Variants in DRC7 observed in about 807,000 individuals in gnomAD.
DRC7 encodes coiled-coil domain containing 135.
A neutral mutation model predicts 104.4 loss-of-function variants in DRC7; 80 were observed. The ratio of observed to expected loss-of-function variants is 0.77; its 90% CI spans 0.64 to 0.92. The LOEUF (loss-of-function observed/expected upper bound fraction) is 0.92, where lower values mean the gene tolerates loss of function less well. DRC7 is among the 40% of genes least tolerant of loss of function. The pLI is 0.00. For missense variants in DRC7, 1,034 were observed against 1,141.1 expected, an observed-to-expected ratio of 0.91 and a Z score of 1.35; for synonymous variants, 405 against 447.3, an observed-to-expected ratio of 0.91 and a Z score of 1.19.
chr16:57,714,798 G>A (rs543196159), intron 8 of DRC7: 7 of 334,090 alleles, frequency 2.1e-5, no homozygotes, highest in Middle Eastern at 8.4e-4. Context: ...ACAGCCATGG[G>A]CTTGCTGGTG....
At chr16:57,700,110 C>T in intron 4 of DRC7, 35 bp from the exon 5 acceptor site, 1 of 1,606,390 alleles carries the variant, frequency 6.2e-7, no homozygotes. Flanking sequence ...GTTCTTATTG[C>T]CTTGACCCCA....
At position 57,731,442 on chromosome 16, in the gene DRC7, C is replaced by G; in HGVS notation, c.*184C>G. On this transcript the variant is annotated 3_prime_UTR_variant, in exon 19 of 19. Transcript: ENST00000360716. ...CATGATTTTCCTGTAAATAAACACA[C>G]TCTTAATTTGCCATTTGTGCCTTGC... The G allele has an allele frequency of 1.7e-6, 1 of 596,944 alleles. No individual in the cohort carries two copies. The highest frequency in any genetic ancestry group is 3.0e-6 in the Non-Finnish European group (1 of 336,538). 37.0% of individuals were successfully genotyped at this position (596,944 alleles called of 1,614,324 possible). A position where few individuals can be genotyped will look rare whatever the true frequency, so the allele number is the denominator to read the frequency against.
intron 8 of DRC7, among the ~76,000 whole-genome samples, chr16:57,709,541 C>T (rs957247311): frequency 1.3e-5 from 2 of 151,778 alleles, no homozygotes; most frequent in Non-Finnish European, 2.9e-5. Flanking sequence ...TTTTTTTAAT[C>T]AAACAAAATT....
chr16:57,705,246 G>C (rs1357181890), intron 7 of DRC7, among the ~76,000 whole-genome samples: 1 of 152,022 alleles, frequency 6.6e-6, no homozygotes, highest in East Asian at 1.9e-4. Context: ...TCAGGGCACT[G>C]TACTGCCTGG....
At chr16:57,725,552 C>A (rs76028155) in intron 13 of DRC7, 4,284 of 156,528 alleles carry the variant, frequency 0.027, 182 homozygotes, top group African/African-American at 0.088. Flanking sequence ...GAAAAGTAAA[C>A]ATATCTCAGA....
At chr16:57,717,401 T>TAAAA (rs56358409) in intron 8 of DRC7, among the ~76,000 whole-genome samples, 2 of 132,830 alleles carry the variant, frequency 1.5e-5, no homozygotes, top group African/African-American at 5.5e-5. Flanking sequence ...TGCACTGGCT[T>TAAAA]AAAAAAAAAA....
intron 2 of DRC7, among the ~76,000 whole-genome samples, chr16:57,697,060 G>A (rs2048600345): frequency 6.6e-6 from 1 of 152,022 alleles, no homozygotes; most frequent in South Asian, 2.1e-4. Context: ...TTACAGGCGT[G>A]TGCCACCACG....
In DRC7 at chr16:57,698,977, G is replaced by A. The variant is rs546062093; in HGVS notation, c.331G>A (p.Asp111Asn). 6.2e-7 allele frequency: 1 copy of A among 1,614,218 alleles called. No individual in the cohort carries two copies. Among genetic ancestry groups the A allele is most frequent in the Non-Finnish European group, 8.5e-7 (1 of 1,180,028 alleles). The change falls in exon 4 of 19, where the codon GAC (aspartate) becomes AAC (asparagine). Residue 111 changes from aspartate to asparagine, a missense_variant. By Grantham distance (23) the Asp-to-Asn change is conservative. Transcript: ENST00000360716. Reference protein sequence around the residue: ...FSRQYSHLCPDRVPLFLHPLN... With the variant: ...FSRQYSHLCPNRVPLFLHPLN... The stretch of plus-strand genomic sequence containing the variant: ...CCGCCAGTACAGCCATCTGTGCCCG[G>A]ACCGCGTGCCCCTCTTCCTGCACCC...
rs757529089 is a variant in DRC7, at chr16:57,728,454, T to G, written c.2261T>G (p.Phe754Cys). 6.2e-7 allele frequency: 1 copy of G among 1,612,188 alleles called. No individual in the cohort carries two copies. Among genetic ancestry groups the G allele is most frequent in the Admixed American group, 1.7e-5 (1 of 59,954 alleles). ...VETQLDYLAP[F>C]LAQLPPGEKL... is the part of the protein sequence containing the mutation. ...ACCCAGCTGGACTACCTGGCCCCAT[T>G]CCTGGCCCAGCTCCCGCCAGGAGAG... Residue 754 changes from phenylalanine to cysteine, a missense_variant, in exon 17 of 19, where the codon TTC (phenylalanine) becomes TGC (cysteine). Coordinates refer to ENST00000360716, the MANE Select transcript of DRC7 (RefSeq NM_001289162.2).
In DRC7 at chr16:57,731,335, T is replaced by G; in HGVS notation, c.*77T>G. ...CGCAGCCTGGCTCCTGTGTTCCCTC[T>G]ATCCAGCCAATGCCTGTTTACACAG... On this transcript the variant is annotated 3_prime_UTR_variant, in exon 19 of 19. Coordinates refer to ENST00000360716, the MANE Select transcript of DRC7 (RefSeq NM_001289162.2). The G allele has an allele frequency of 8.5e-7, 1 of 1,179,266 alleles. No homozygotes were observed. Among genetic ancestry groups the G allele is most frequent in the Non-Finnish European group, 1.2e-6 (1 of 804,472 alleles). The allele number at this position is 1,179,266 out of a possible 1,614,324, so 73.1% of individuals were successfully genotyped here.
chr16:57,711,531 C>T (rs189112177), intron 8 of DRC7, among the ~76,000 whole-genome samples: 103 of 152,358 alleles, frequency 6.8e-4, no homozygotes, highest in African/African-American at 2.4e-3. Flanking sequence ...ATGGACTGCT[C>T]CTTGTGGAGC....
At position 57,726,109 on chromosome 16, in the gene DRC7, G is replaced by A. The variant is rs1469146186; in HGVS notation, c.1800G>A (p.Ala600=). 5.0e-6 allele frequency: 8 copies of A among 1,613,230 alleles called. No homozygotes were observed. The highest frequency in any genetic ancestry group is 2.7e-5 in the African/African-American group (2 of 74,950). The change falls in exon 14 of 19, where the codon GCG becomes GCA. Residue 600 remains alanine, a synonymous_variant. Coordinates refer to ENST00000360716, the MANE Select transcript of DRC7 (RefSeq NM_001289162.2). ...ERFFRNPAKP[A]EEDVAERVFL... ...TCTTCCGCAACCCAGCGAAGCCCGC[G>A]GAGGAGGACGTGGCAGAGCGCGTGT... is the stretch of plus-strand genomic sequence containing the variant.
intron 7 of DRC7, among the ~76,000 whole-genome samples, chr16:57,707,174 C>G (rs1436061752): frequency 5.3e-5 from 8 of 152,136 alleles, no homozygotes; most frequent in Admixed American, 5.2e-4. Context: ...GAAACCTCAC[C>G]CAAAGTCATA....
chr16:57,701,182 T>C (rs987557103), intron 5 of DRC7, among the ~76,000 whole-genome samples: 1 of 152,186 alleles, frequency 6.6e-6, no homozygotes, highest in African/African-American at 2.4e-5. Context: ...GGGGTTTTTG[T>C]AGTTTGCTGA....
In DRC7 at chr16:57,724,712, C is replaced by T; in HGVS notation, c.1635C>T (p.Pro545=). 6.2e-7 allele frequency: 1 copy of T among 1,613,920 alleles called. No homozygotes were observed. Among genetic ancestry groups the T allele is most frequent in the Non-Finnish European group, 8.5e-7 (1 of 1,180,008 alleles). The change falls in exon 13 of 19, where the codon CCC becomes CCT. Residue 545 remains proline, a synonymous_variant. Transcript: ENST00000360716. Reference sequence around the variant, plus strand: ...GCCTGATGAAGCGGGAGGAGACACCCAGGACAATGACAGAGTACTATCAAG... The same window carrying T: ...GCCTGATGAAGCGGGAGGAGACACCTAGGACAATGACAGAGTACTATCAAG... ...VDGLMKREET[P]RTMTEYYQGR...
rs1367765252 is a variant in DRC7, at chr16:57,722,742, A to C, written c.1309A>C (p.Lys437Gln). ...TGAGACCCGCTGCCCGAACGGGAAGAAGGTGATTCAGTACAAGAGGGCAAA... is the reference window on the plus strand; with the variant it reads ...TGAGACCCGCTGCCCGAACGGGAAGCAGGTGATTCAGTACAAGAGGGCAAA... ...AFETRCPNGKKVIQYKRAKLE... is the reference protein window; with the variant it reads ...AFETRCPNGKQVIQYKRAKLE... Residue 437 changes from lysine (K) to glutamine (Q), a missense_variant, in exon 11 of 19, where the codon AAG becomes CAG. Coordinates refer to ENST00000360716, the MANE Select transcript of DRC7 (RefSeq NM_001289162.2). 2 of 1,613,714 alleles carry C rather than the reference A, an allele frequency of 1.2e-6. No individual in the cohort carries two copies. The highest frequency in any genetic ancestry group is 2.7e-5 in the African/African-American group (2 of 74,914).
intron 9 of DRC7, 46 bp from the exon 10 acceptor site, chr16:57,721,621 A>G: frequency 6.8e-7 from 1 of 1,473,134 alleles, no homozygotes; most frequent in Non-Finnish European, 9.5e-7. Context: ...TTCTGCTTCA[A>G]CACCCTGACC....
chr16:57,726,089 C>T lies in DRC7; in HGVS notation c.1780C>T (p.Arg594Cys), dbSNP rs767172969. Residue 594 changes from arginine (R) to cysteine (C), a missense_variant, in exon 14 of 19, where the codon CGC becomes TGC. Arg to Cys is a radical substitution (Grantham distance 180, BLOSUM62 -3). Transcript: ENST00000360716. ...PIVKITERFF[R>C]NPAKPAEEDV... ...CCAGAAAATCACAGAGCGGTTCTTC[C>T]GCAACCCAGCGAAGCCCGCGGAGGA... 10 of 1,613,178 alleles carry T rather than the reference C, an allele frequency of 6.2e-6. 1 individual carries two copies. The Admixed American group carries it at 1.3e-4, about 22-fold the overall frequency.
intron 2 of DRC7, among the ~76,000 whole-genome samples, chr16:57,697,152 A>T (rs1329438618): frequency 6.6e-6 from 1 of 152,008 alleles, no homozygotes; most frequent in Non-Finnish European, 1.5e-5. Context: ...ACCTCAAGTG[A>T]TCCACCTGCC....
Sources: allele counts gnomAD v4.1 joint callset (sites outside exome capture counted in the v4.1 genomes callset), GRCh38; gene constraint gnomAD v4.1.1; transcripts MANE v1.5; gene names NCBI Gene and HGNC (gene_info 2026-07-23, HGNC 2026-07-21).